The following SLC5A10 variants were observed in gnomAD, a reference collection of about 807,000 sequenced individuals.
The protein encoded by SLC5A10 is sodium/mannose cotransporter SLC5A10.
Under a neutral mutation model 68.9 loss-of-function variants are expected in SLC5A10, and 55 were observed. The observed-to-expected ratio is 0.80, with a 90% CI of 0.64 to 1.00. The LOEUF (loss-of-function observed/expected upper bound fraction) is 1.00. Among genes scored for constraint, SLC5A10 ranks in the 50% least tolerant of loss-of-function variants. SLC5A10 has a pLI of 0.00. For synonymous variants in SLC5A10, 344 were observed against 344.8 expected (o/e 1.00, Z 0.02); for missense variants, 732 against 819.3 (o/e 0.89, Z 1.30).
intron 8 of SLC5A10, among the ~76,000 whole-genome samples, chr17:18,972,597 T>A (rs1247303300): frequency 1.3e-5 from 2 of 152,082 alleles, no homozygotes; most frequent in Non-Finnish European, 2.9e-5. Context: ...GGGCGGTGGC[T>A]CAAGCCTGTA....
intron 11 of SLC5A10, chr17:19,019,200 T>TAA: frequency 1.8e-6 from 1 of 569,976 alleles, no homozygotes; most frequent in African/African-American, 1.9e-5. Flanking sequence ...AGACAGCACT[T>TAA]AGAGTCAGGA....
chr17:19,019,425 T>C lies in SLC5A10; in HGVS notation c.1244T>C (p.Leu415Pro), dbSNP rs764089800. 1.9e-6 allele frequency: 3 copies of C among 1,609,530 alleles called. No individual in the cohort carries two copies. The highest frequency in any genetic ancestry group is 4.5e-5 in the East Asian group (2 of 44,854). The change falls in exon 12 of 15, where the codon CTG becomes CCG. Residue 415 changes from leucine (L) to proline (P), a missense_variant and splice_region_variant. Physicochemically the swap from Leu to Pro is moderately conservative, Grantham distance 98. Transcript: ENST00000395645. Reference sequence around the variant, plus strand: ...GCCTGCCTTCCACTCGCCTGCAGGCTGGTCATAGTGGCACTCATCGGCGTG... The same window carrying C: ...GCCTGCCTTCCACTCGCCTGCAGGCCGGTCATAGTGGCACTCATCGGCGTG... ...GERELLLVGR[L>P]VIVALIGVSV...
At position 19,013,390 on chromosome 17, in the gene SLC5A10, A is replaced by G; in HGVS notation, c.983-20A>G. On this transcript the variant is annotated intron_variant, in intron 9 of 14. Transcript: ENST00000395645. ...CTCATGTCTATGAGGAGAGACACCA[A>G]GTGTCCGTCTCTCGAACAGATGATG... The G allele has an allele frequency of 6.2e-7, 1 of 1,605,168 alleles. No homozygotes were observed. The highest frequency in any genetic ancestry group is 8.5e-7 in the Non-Finnish European group (1 of 1,175,494).
chr17:19,014,979 C>T (rs2044101936), intron 10 of SLC5A10, 70 bp from the exon 11 acceptor site: 1 of 1,553,098 alleles, frequency 6.4e-7, no homozygotes, highest in Non-Finnish European at 8.8e-7. Flanking sequence ...GGCATTAGAG[C>T]CCAGGCGGGA....
intron 5 of SLC5A10, among the ~76,000 whole-genome samples, chr17:18,964,928 A>AGGTC (rs2042680175): frequency 6.6e-6 from 1 of 152,102 alleles, no homozygotes; most frequent in Admixed American, 6.5e-5. Context: ...GGATCACCTG[A>AGGTC]GGTCAGGAGT....
Position 19,022,055 on chromosome 17 carries a change from C to T in SLC5A10, c.*1624C>T. ...AGTGGGGGTCTGGGCGCTCCAGGAC[C>T]TCAATGATGTCGCCACGGCGGAAGC... On this transcript the variant is annotated 3_prime_UTR_variant, in exon 15 of 15. Coordinates refer to ENST00000395645, the MANE Select transcript of SLC5A10 (RefSeq NM_001042450.4). 1 of 1,596,630 alleles carries T rather than the reference C, an allele frequency of 6.3e-7. No homozygotes were observed. The highest frequency in any genetic ancestry group is 1.1e-5 in the South Asian group (1 of 88,154).
intron 1 of SLC5A10, among the ~76,000 whole-genome samples, chr17:18,955,350 A>G (rs561517866): frequency 6.6e-6 from 1 of 152,288 alleles, no homozygotes; most frequent in East Asian, 1.9e-4. Flanking sequence ...GTGTGTTTTC[A>G]TCTCTGAGAC....
intron 1 of SLC5A10, among the ~76,000 whole-genome samples, chr17:18,954,890 G>A (rs2042461457): frequency 6.6e-6 from 1 of 152,052 alleles, no homozygotes; most frequent in South Asian, 2.1e-4. Context: ...GGCCAGCATG[G>A]TGAAAGCCCG....
intron 8 of SLC5A10, among the ~76,000 whole-genome samples, chr17:18,975,026 G>A (rs1597841564): frequency 1.3e-5 from 2 of 152,316 alleles, no homozygotes; most frequent in South Asian, 4.1e-4. Flanking sequence ...TCTACTTGGG[G>A]TGACAGCACC....
chr17:18,997,627 C>T (rs1378974487), intron 9 of SLC5A10, among the ~76,000 whole-genome samples: 1 of 152,238 alleles, frequency 6.6e-6, no homozygotes, highest in Admixed American at 6.5e-5. Context: ...AAAGGACTTG[C>T]CCAAGGTCAC....
At chr17:18,993,103 C>CCA (rs2043469928) in intron 9 of SLC5A10, among the ~76,000 whole-genome samples, 1 of 152,168 alleles carries the variant, frequency 6.6e-6, no homozygotes, top group Non-Finnish European at 1.5e-5. Flanking sequence ...TGGTGGGAAA[C>CCA]CACGGGTGCA....
intron 1 of SLC5A10, among the ~76,000 whole-genome samples, chr17:18,953,162 G>T (rs1253423903): frequency 7.0e-6 from 1 of 142,964 alleles, no homozygotes; most frequent in African/African-American, 2.6e-5. Flanking sequence ...CTGAGACGGA[G>T]TCTAGCACTG....
intron 9 of SLC5A10, among the ~76,000 whole-genome samples, chr17:18,980,845 C>T (rs1319373261): frequency 3.3e-5 from 5 of 152,124 alleles, no homozygotes; most frequent in Admixed American, 3.3e-4. Flanking sequence ...TGAGGTCAGG[C>T]AGGGAATCTC....
Position 19,017,584 on chromosome 17 carries a change from A to C in SLC5A10, c.1242-1839A>C. On this transcript the variant is annotated intron_variant, in intron 11 of 14. Coordinates refer to ENST00000395645, the MANE Select transcript of SLC5A10 (RefSeq NM_001042450.4). This position sits in a 1 kb window ranked among gnomAD's most constrained non-coding sequence, Gnocchi z 5.6. ...CGTCACAGGCTGGGGGAGAGCGATG[A>C]CCCGCCCCCACTCCCGTATGCCTGC... The C allele has an allele frequency of 1.8e-6, 1 of 565,786 alleles. No homozygotes were observed. The allele number at this position is 565,786 out of a possible 1,614,324, so 35.0% of individuals were successfully genotyped here.
chr17:19,021,481 C>T lies in SLC5A10; in HGVS notation c.*1050C>T, dbSNP rs1328685927. 5 of 224,098 alleles carry T rather than the reference C, an allele frequency of 2.2e-5. No individual in the cohort carries two copies. The highest frequency in any genetic ancestry group is 8.8e-5 in the East Asian group (1 of 11,308). The allele number at this position is 224,098 out of a possible 1,614,324, so 13.9% of individuals were successfully genotyped here. ...GTCAACAGGTGTGCAGTCTGTCCTT[C>T]GAGGCTGAGCCACCTCCCAACAGCC... On this transcript the variant is annotated 3_prime_UTR_variant, in exon 15 of 15. Transcript: ENST00000395645. This position sits in a 1 kb window ranked among gnomAD's most constrained non-coding sequence, Gnocchi z 4.1.
chr17:18,955,825 G>T (rs1328089037), intron 1 of SLC5A10, among the ~76,000 whole-genome samples: 1 of 152,232 alleles, frequency 6.6e-6, no homozygotes, highest in Non-Finnish European at 1.5e-5. Flanking sequence ...TACTCAGGAA[G>T]CTGAGATGGG....
At chr17:18,981,900 G>T (rs1355094667) in intron 9 of SLC5A10, among the ~76,000 whole-genome samples, 2 of 152,212 alleles carry the variant, frequency 1.3e-5, no homozygotes, top group East Asian at 3.8e-4. Context: ...GTCGGACAAA[G>T]ATCCTGGAGG....
rs2042765767 is a variant in SLC5A10 at position 18,968,889 on chromosome 17, C to G, written c.454-163C>G. Reference sequence around the variant, plus strand: ...CTCCACGGCCAGGTCTTCCCCCAACCTCACAATGGCCCCGTGATGCAGGCA... The same window carrying G: ...CTCCACGGCCAGGTCTTCCCCCAACGTCACAATGGCCCCGTGATGCAGGCA... On this transcript the variant is annotated intron_variant, in intron 5 of 14. Coordinates refer to ENST00000395645, the MANE Select transcript of SLC5A10 (RefSeq NM_001042450.4). The surrounding 1 kb of genome is among the most constrained non-coding windows in gnomAD (Gnocchi z 4.1). 1 of 626,378 alleles carries G rather than the reference C, an allele frequency of 1.6e-6. No homozygotes were observed. The highest frequency in any genetic ancestry group is 3.0e-5 in the Admixed American group (1 of 33,500). The allele number at this position is 626,378 out of a possible 1,614,324, so 38.8% of individuals were successfully genotyped here.
intron 9 of SLC5A10, among the ~76,000 whole-genome samples, chr17:18,990,286 C>T (rs1350578277): frequency 6.6e-6 from 1 of 152,178 alleles, no homozygotes; most frequent in Non-Finnish European, 1.5e-5. Context: ...AGACACGATG[C>T]AGGCAGGTCA....
Sources: gnomAD v4.1 joint callset for allele counts (sites outside exome capture counted in the v4.1 genomes callset) on GRCh38, gnomAD v4.1.1 for gene constraint, Gnocchi (gnomAD v3.1) non-coding constraint, MANE v1.5 for transcripts, NCBI Gene and HGNC (gene_info 2026-07-23, HGNC 2026-07-21) for gene names.